Variants in MPP2 observed in about 807,000 individuals in gnomAD.
The protein encoded by MPP2 is MAGUK p55 scaffold protein 2, also known as MAGUK p55 subfamily member 2.
A neutral mutation model predicts 58.5 loss-of-function variants in MPP2; 42 were observed. The ratio of observed to expected loss-of-function variants is 0.72; its 90% CI spans 0.56 to 0.93. The LOEUF (loss-of-function observed/expected upper bound fraction) is 0.93, where lower values mean the gene tolerates loss of function less well. MPP2 is among the 40% of genes least tolerant of loss of function. MPP2 has a pLI of 0.00. For synonymous variants in MPP2, 300 were observed against 307.8 expected, an observed-to-expected ratio of 0.97 and a Z score of 0.26; for missense variants, 632 against 760.4, an observed-to-expected ratio of 0.83 and a Z score of 1.99.
upstream of MPP2, chr17:43,907,777 G>A (rs1256335353): frequency 7.1e-6 from 7 of 985,496 alleles, 1 homozygote; most frequent in East Asian, 5.7e-4. Context: ...ACCAGTACCC[G>A]CTGGTGCCCC....
At chr17:43,903,226 A>G (rs2048162991) in intron 2 of MPP2, among the ~76,000 whole-genome samples, 6 of 151,312 alleles carry the variant, frequency 4.0e-5, no homozygotes, top group African/African-American at 1.5e-4. Flanking sequence ...CAGTGAGCCG[A>G]GATCCCACCA....
In MPP2 at chr17:43,877,948, G is replaced by A. The variant is rs543339470; in HGVS notation, c.1518C>T (p.Ser506=). 1.4e-5 allele frequency: 22 copies of A among 1,613,880 alleles called. No individual in the cohort carries two copies. In the East Asian group the frequency reaches 4.0e-4, roughly 29 times the overall value. The part of the protein sequence containing the change: ...ADLRRTVEES[S]RIQRGYGHYF... Reference sequence around the variant, plus strand: ...AGTGCCCGTAGCCCCGCTGGATGCGGCTGCTCTCCTCCACTGTCCGTCTCA... The same window carrying A: ...AGTGCCCGTAGCCCCGCTGGATGCGACTGCTCTCCTCCACTGTCCGTCTCA... The change falls in exon 13 of 13, where the codon AGC becomes AGT. Residue 506 remains serine (S), a synonymous_variant. Coordinates refer to ENST00000269095, the MANE Select transcript of MPP2 (RefSeq NM_005374.5).
intron 1 of MPP2, chr17:43,906,014 C>T: frequency 2.0e-5 from 17 of 855,736 alleles, no homozygotes; most frequent in Non-Finnish European, 2.2e-5. Flanking sequence ...GCCCCTGGTG[C>T]CAATCTCTAC....
chr17:43,907,830 C>T (rs536547896), upstream of MPP2: 41 of 985,434 alleles, frequency 4.2e-5, no homozygotes, highest in South Asian at 3.3e-4. Flanking sequence ...GTAAAAGTGC[C>T]TAATGAGACC....
intron 3 of MPP2, among the ~76,000 whole-genome samples, chr17:43,887,066 AT>A (rs1023780583): frequency 2.2e-5 from 3 of 134,302 alleles, no homozygotes; most frequent in Non-Finnish European, 3.3e-5. Flanking sequence ...AAAAAAAAAA[AT>A]TTAGGTCAGG....
chr17:43,884,561 T>C (rs982913745), intron 3 of MPP2, among the ~76,000 whole-genome samples: 9 of 152,216 alleles, frequency 5.9e-5, no homozygotes, highest in Non-Finnish European at 1.0e-4. Flanking sequence ...TAGGATGCTC[T>C]ACCACTAGAT....
chr17:43,899,690 A>G (rs1451201330), intron 2 of MPP2, among the ~76,000 whole-genome samples: 7 of 152,120 alleles, frequency 4.6e-5, no homozygotes, highest in African/African-American at 1.7e-4. Flanking sequence ...GGCTGAGGTC[A>G]CACCAAGTCA....
chr17:43,881,563 A>C lies in MPP2; in HGVS notation c.708T>G (p.Tyr236Ter). The C allele has an allele frequency of 6.2e-7, 1 of 1,614,024 alleles. No homozygotes were observed. The highest frequency in any genetic ancestry group is 1.1e-5 in the South Asian group (1 of 91,076). Residue 236 changes from tyrosine to a stop codon, truncating the protein, a stop_gained, in exon 7 of 13, where the codon TAT (tyrosine) becomes TAG (stop). Coordinates refer to ENST00000269095, the MANE Select transcript of MPP2 (RefSeq NM_005374.5). LOFTEE classifies it high-confidence loss of function. ...RQVFVKCHFDYDPARDSLIPC... is the reference protein window; with the variant it reads ...RQVFVKCHFD ...GGATGAGGCTGTCTCGGGCCGGGTCATAGTCAAAGTGACATTTCACAAATA... is the reference window on the plus strand; with the variant it reads ...GGATGAGGCTGTCTCGGGCCGGGTCCTAGTCAAAGTGACATTTCACAAATA...
At chr17:43,895,187 C>A (rs961956729) in intron 3 of MPP2, among the ~76,000 whole-genome samples, 31 of 151,898 alleles carry the variant, frequency 2.0e-4, no homozygotes, top group Non-Finnish European at 3.5e-4. Flanking sequence ...GATCATGGCT[C>A]ATTGTAGCCT....
intron 2 of MPP2, 59 bp from the exon 3 acceptor site, chr17:43,898,439 A>C: frequency 8.3e-7 from 1 of 1,209,024 alleles, no homozygotes; most frequent in Non-Finnish European, 1.2e-6. Context: ...GAAGACCAAA[A>C]CACACCACAA....
At chr17:43,900,495 C>T (rs1451215266) in intron 2 of MPP2, 11 of 1,548,928 alleles carry the variant, frequency 7.1e-6, no homozygotes, top group South Asian at 1.2e-5. Flanking sequence ...TCCGCTTCCT[C>T]AGAAGACTCC....
Position 43,880,044 on chromosome 17 carries a change from A to G in MPP2, c.1151-60T>C. ...AGGGGCAGGTTACAGTGCCTCAGAC[A>G]CATATATGCACCCCTACCCAGGCCC... On this transcript the variant is annotated intron_variant, in intron 10 of 12. Coordinates refer to ENST00000269095, the MANE Select transcript of MPP2 (RefSeq NM_005374.5). This position sits in a 1 kb window ranked among gnomAD's most constrained non-coding sequence, Gnocchi z 5.2. The G allele has an allele frequency of 6.6e-7, 1 of 1,512,078 alleles. No homozygotes were observed. Among genetic ancestry groups the G allele is most frequent in the East Asian group, 2.3e-5 (1 of 44,096 alleles). The allele number at this position is 1,512,078 out of a possible 1,614,324, so 93.7% of individuals were successfully genotyped here.
intron 3 of MPP2, among the ~76,000 whole-genome samples, chr17:43,883,603 T>G (rs2047241385): frequency 6.6e-6 from 1 of 152,070 alleles, no homozygotes; most frequent in Non-Finnish European, 1.5e-5. Context: ...TTCCTTTCCA[T>G]CCCCTTGCCA....
At chr17:43,891,430 G>A (rs936055222) in intron 3 of MPP2, among the ~76,000 whole-genome samples, 3 of 151,672 alleles carry the variant, frequency 2.0e-5, no homozygotes, top group South Asian at 2.1e-4. Flanking sequence ...CAGGAGAATC[G>A]CTTGAACCTG....
chr17:43,884,544 T>G (rs146286501), intron 3 of MPP2, among the ~76,000 whole-genome samples: 109 of 152,322 alleles, frequency 7.2e-4, no homozygotes, highest in African/African-American at 2.6e-3. Flanking sequence ...TCCAGGCCAG[T>G]AGTTTTTAGG....
intron 2 of MPP2, among the ~76,000 whole-genome samples, chr17:43,902,531 G>T (rs1019277734): frequency 6.6e-6 from 1 of 152,220 alleles, no homozygotes; most frequent in African/African-American, 2.4e-5. Context: ...GGAGATGGGG[G>T]ACTGAGCCCT....
At position 43,901,231 on chromosome 17, in the gene MPP2, C is replaced by A. The variant is rs529721838; in HGVS notation, c.32-2851G>T. 33 of 983,698 alleles carry A rather than the reference C, an allele frequency of 3.4e-5. No individual in the cohort carries two copies. In the African/African-American group the frequency reaches 5.4e-4, roughly 16 times the overall value. The allele number at this position is 983,698 out of a possible 1,614,324, so 60.9% of individuals were successfully genotyped here. Reference sequence around the variant, plus strand: ...TGGTCAGCCACTGGGAGGCAGGGTACGTGGGGGAGGTGGCATCGCTGTGGG... The same window carrying A: ...TGGTCAGCCACTGGGAGGCAGGGTAAGTGGGGGAGGTGGCATCGCTGTGGG... On this transcript the variant is annotated intron_variant, in intron 2 of 12. Coordinates refer to ENST00000269095, the MANE Select transcript of MPP2 (RefSeq NM_005374.5).
chr17:43,896,464 C>T (rs907212512), intron 3 of MPP2, among the ~76,000 whole-genome samples: 1 of 152,066 alleles, frequency 6.6e-6, no homozygotes, highest in Non-Finnish European at 1.5e-5. Flanking sequence ...TATATCCCTA[C>T]CATCACCCCT....
At position 43,883,074 on chromosome 17, in the gene MPP2, A is replaced by C. The variant is rs756430239; in HGVS notation, c.304-22T>G. 7 of 1,601,906 alleles carry C rather than the reference A, an allele frequency of 4.4e-6. No individual in the cohort carries two copies. The African/African-American group carries it at 6.7e-5, about 15-fold the overall frequency. ...GGGACTGGGGGGTGGTGGGAAGAGA[A>C]GGGACAATGGGGCAGTGTCCCGGGT... On this transcript the variant is annotated intron_variant, in intron 4 of 12. Coordinates refer to ENST00000269095, the MANE Select transcript of MPP2 (RefSeq NM_005374.5).
Sources: gnomAD v4.1 joint callset for allele counts (sites outside exome capture counted in the v4.1 genomes callset) on GRCh38, gnomAD v4.1.1 for gene constraint, Gnocchi (gnomAD v3.1) non-coding constraint, MANE v1.5 for transcripts, NCBI Gene and HGNC (gene_info 2026-07-23, HGNC 2026-07-21) for gene names.